HSDL2: variants seen among roughly 807,000 people sequenced by gnomAD.
HSDL2 encodes hydroxysteroid dehydrogenase like 2, also known as hydroxysteroid dehydrogenase-like protein 2.
Under a neutral mutation model 46.3 loss-of-function variants are expected in HSDL2, and 27 were observed. The observed-to-expected ratio is 0.58, with a 90% confidence interval of 0.43 to 0.80. HSDL2 has a LOEUF of 0.80. HSDL2 is among the 30% of genes least tolerant of loss of function. The probability of loss-of-function intolerance (pLI) is 0.00; values close to 1 mark genes in which losing one functional copy is unlikely to be tolerated. For missense variants in HSDL2, 451 were observed against 502.7 expected, an observed-to-expected ratio of 0.90 and a Z score of 0.98; for synonymous variants, 153 against 163.6, an observed-to-expected ratio of 0.94 and a Z score of 0.50.
At position 112,426,275 on chromosome 9, in the gene HSDL2, G is replaced by A. The variant is rs1426830109; in HGVS notation, c.598+7317G>A. On this transcript the variant is annotated intron_variant, in intron 6 of 10. Coordinates refer to ENST00000398805, the MANE Select transcript of HSDL2 (RefSeq NM_032303.5). ...TTTTGAGATGGAGTCTTGCTCTGTCGCCCAGGCTGGAGTGCAGTGGCATGA... is the reference window on the plus strand; with the variant it reads ...TTTTGAGATGGAGTCTTGCTCTGTCACCCAGGCTGGAGTGCAGTGGCATGA... Among the ~76,000 whole-genome samples the A allele has an allele frequency of 5.7e-5, 7 of 123,612 alleles. 1 individual carries two copies. The South Asian group carries it at 1.0e-3, about 18-fold the overall frequency. The allele number at this position is 123,612 out of a possible 152,430, so 81.1% of individuals were successfully genotyped here. A position where few individuals can be genotyped will look rare whatever the true frequency, so the allele number is the denominator to read the frequency against.
At position 112,471,668 on chromosome 9, in the gene HSDL2, C is replaced by G. The variant is rs1833579066; in HGVS notation, c.*1124C>G. ...CATAGTAAGACCCTATCTCTACCCC[C>G]CTAATAAATTAATTTAAAAAGCCCC... On this transcript the variant is annotated 3_prime_UTR_variant, in exon 11 of 11. Coordinates refer to ENST00000398805, the MANE Select transcript of HSDL2 (RefSeq NM_032303.5). The G allele has an allele frequency of 6.6e-6, 1 of 152,144 alleles. No homozygotes were observed. The highest frequency in any genetic ancestry group is 6.6e-5 in the Admixed American group (1 of 15,266). 9.4% of individuals were successfully genotyped at this position (152,144 alleles called of 1,614,324 possible).
At chr9:112,440,737 G>C (rs541577943) in intron 7 of HSDL2, among the ~76,000 whole-genome samples, 1 of 152,172 alleles carries the variant, frequency 6.6e-6, no homozygotes, top group South Asian at 2.1e-4. Flanking sequence ...GTTCAGGCAC[G>C]GTGGCTCACG....
intron 1 of HSDL2, among the ~76,000 whole-genome samples, chr9:112,402,887 T>C (rs542261353): frequency 6.6e-6 from 1 of 151,228 alleles, no homozygotes; most frequent in South Asian, 2.1e-4. Context: ...AGAGGTTGAG[T>C]GAGCTGAGAT....
At chr9:112,388,181 A>C (rs1000978564) in intron 1 of HSDL2, among the ~76,000 whole-genome samples, 4 of 151,412 alleles carry the variant, frequency 2.6e-5, no homozygotes, top group African/African-American at 9.7e-5. Flanking sequence ...ACAAAAAAAA[A>C]CCCAGGCACA....
rs540994628 is a variant in HSDL2, at chr9:112,418,748, C to T, written c.500-112C>T. 70 of 469,436 alleles carry T rather than the reference C, an allele frequency of 1.5e-4. 1 individual carries two copies. In the South Asian group the frequency reaches 1.6e-3, roughly 11 times the overall value. 29.1% of individuals were successfully genotyped at this position (469,436 alleles called of 1,614,324 possible). On this transcript the variant is annotated intron_variant, in intron 5 of 10. Transcript: ENST00000398805. ...ACATACATATGTATATACATACATG[C>T]ACACATATATCAGGAAGAAAATAGT... is the stretch of plus-strand genomic sequence containing the variant.
intron 1 of HSDL2, among the ~76,000 whole-genome samples, chr9:112,385,109 C>CGCA (rs1554707663): frequency 1.3e-5 from 2 of 150,818 alleles, no homozygotes; most frequent in Non-Finnish European, 3.0e-5. Flanking sequence ...AAAAGAAAAA[C>CGCA]ACAACAACAA....
chr9:112,453,926 G>C, intron 8 of HSDL2, 87 bp from the exon 9 acceptor site: 1 of 1,257,942 alleles, frequency 7.9e-7, no homozygotes, highest in Non-Finnish European at 1.1e-6. Flanking sequence ...CTAATTGGTG[G>C]CAAGTCTGTC....
At position 112,454,035 on chromosome 9, in the gene HSDL2, A is replaced by G. The variant is rs1443989241; in HGVS notation, c.888A>G (p.Glu296=). The change falls in exon 9 of 11, where the codon GAA becomes GAG. Residue 296 remains glutamate (E), a synonymous_variant. Coordinates refer to ENST00000398805, the MANE Select transcript of HSDL2 (RefSeq NM_032303.5). The part of the protein sequence containing the change: ...ESTGAVPEFK[E]EKLQLQPKPR... The stretch of plus-strand genomic sequence containing the variant: ...TAGGTGCTGTTCCAGAATTCAAAGA[A>G]GAGAAACTGCAGCTGCAACCAAAAC... 6.2e-7 allele frequency: 1 copy of G among 1,613,954 alleles called. No individual in the cohort carries two copies. Among genetic ancestry groups the G allele is most frequent in the Non-Finnish European group, 8.5e-7 (1 of 1,179,934 alleles).
intron 2 of HSDL2, among the ~76,000 whole-genome samples, chr9:112,405,183 C>T (rs1314005234): frequency 2.0e-5 from 3 of 152,148 alleles, no homozygotes; most frequent in Non-Finnish European, 2.9e-5. Flanking sequence ...AAAACCGTGT[C>T]TCTACAAAAA....
intron 1 of HSDL2, among the ~76,000 whole-genome samples, chr9:112,388,787 A>T (rs971877638): frequency 5.3e-5 from 8 of 152,018 alleles, no homozygotes; most frequent in East Asian, 1.9e-4. Context: ...TATATTTTTT[A>T]AAAAAGGAGT....
intron 1 of HSDL2, among the ~76,000 whole-genome samples, chr9:112,400,126 A>G (rs1019380876): frequency 6.6e-6 from 1 of 152,214 alleles, no homozygotes; most frequent in African/African-American, 2.4e-5. Flanking sequence ...ACAAGCGACC[A>G]TTAACATGGG....
intron 1 of HSDL2, among the ~76,000 whole-genome samples, chr9:112,391,428 G>T (rs371895354): frequency 7.2e-5 from 11 of 152,020 alleles, no homozygotes; most frequent in African/African-American, 2.4e-4. Flanking sequence ...TTGTGATTCA[G>T]ACACTGCACT....
intron 6 of HSDL2, among the ~76,000 whole-genome samples, chr9:112,420,649 C>T (rs567037901): frequency 2.6e-5 from 4 of 151,852 alleles, no homozygotes; most frequent in Non-Finnish European, 5.9e-5. Context: ...TCAGCCTCAG[C>T]GACAGAGTGA....
chr9:112,393,625 C>T (rs1831393596), intron 1 of HSDL2, among the ~76,000 whole-genome samples: 1 of 152,188 alleles, frequency 6.6e-6, no homozygotes, highest in Non-Finnish European at 1.5e-5. Flanking sequence ...CCCATGATCA[C>T]AGCGATTAAA....
intron 9 of HSDL2, among the ~76,000 whole-genome samples, chr9:112,454,402 ACTTCGGC>A (rs1428519962): frequency 2.6e-5 from 4 of 152,152 alleles, no homozygotes; most frequent in Non-Finnish European, 4.4e-5. Context: ...ATCATGGCTC[ACTTCGGC>A]CTTGACCTCC....
At chr9:112,455,446 C>T (rs1832995458) in intron 9 of HSDL2, among the ~76,000 whole-genome samples, 1 of 152,162 alleles carries the variant, frequency 6.6e-6, no homozygotes, top group African/African-American at 2.4e-5. Context: ...CCTAAACTTG[C>T]TGGACCCTTT....
At chr9:112,421,461 G>A (rs1431952986) in intron 6 of HSDL2, among the ~76,000 whole-genome samples, 1 of 152,084 alleles carries the variant, frequency 6.6e-6, no homozygotes, top group Non-Finnish European at 1.5e-5. Context: ...CTGCTCCTAG[G>A]GTAGTGCTCT....
intron 10 of HSDL2, among the ~76,000 whole-genome samples, chr9:112,460,729 G>T (rs1437551683): frequency 1.9e-5 from 1 of 53,060 alleles, no homozygotes; most frequent in African/African-American, 8.5e-5. Flanking sequence ...CTGGGCGGCA[G>T]AATGAAACCG....
Position 112,459,580 on chromosome 9 carries a change from G to A in HSDL2, c.1144+3G>A. The A allele has an allele frequency of 6.2e-7, 1 of 1,612,406 alleles. No homozygotes were observed. The highest frequency in any genetic ancestry group is 8.5e-7 in the Non-Finnish European group (1 of 1,178,694). ...TGACTTTGTAAAAATGTTTTCAGGTGAGTTTTCCAGTTTATTAGTTTACCT... is the reference window on the plus strand; with the variant it reads ...TGACTTTGTAAAAATGTTTTCAGGTAAGTTTTCCAGTTTATTAGTTTACCT... On this transcript the variant is annotated splice_donor_region_variant and intron_variant, in intron 10 of 10. Transcript: ENST00000398805.
Sources: gnomAD v4.1 joint callset for allele counts (sites outside exome capture counted in the v4.1 genomes callset) on GRCh38, gnomAD v4.1.1 for gene constraint, MANE v1.5 for transcripts, NCBI Gene and HGNC (gene_info 2026-07-23, HGNC 2026-07-21) for gene names.